The following NECTIN1 variants were observed in gnomAD, a reference collection of about 807,000 sequenced individuals.
NECTIN1 encodes nectin cell adhesion molecule 1.
Under a neutral mutation model 48.0 loss-of-function variants are expected in NECTIN1, and 23 were observed. That is an observed-to-expected ratio of 0.48 (90% CI 0.34 to 0.68). The LOEUF (loss-of-function observed/expected upper bound fraction) is 0.68. NECTIN1 is among the 30% of genes least tolerant of loss of function. NECTIN1 has a pLI of 0.01. For synonymous variants in NECTIN1, 270 were observed against 288.9 expected, an observed-to-expected ratio of 0.93 and a Z score of 0.66; for missense variants, 591 against 709.9, an observed-to-expected ratio of 0.83 and a Z score of 1.90.
At chr11:119,679,947 G>A (rs964267376) in intron 1 of NECTIN1, among the ~76,000 whole-genome samples, 1 of 152,152 alleles carries the variant, frequency 6.6e-6, no homozygotes, top group African/African-American at 2.4e-5. Context: ...GAAGGTGGTG[G>A]TTACACATCT....
At chr11:119,686,661 G>C (rs186742915) in intron 1 of NECTIN1, among the ~76,000 whole-genome samples, 1 of 152,072 alleles carries the variant, frequency 6.6e-6, no homozygotes, top group Non-Finnish European at 1.5e-5. Flanking sequence ...CAATCCGGTC[G>C]GTTGAGGTTG....
intron 5 of NECTIN1, among the ~76,000 whole-genome samples, chr11:119,666,521 G>A (rs937234470): frequency 2.6e-5 from 4 of 152,228 alleles, no homozygotes; most frequent in Admixed American, 2.6e-4. Context: ...GGCCAAAGAG[G>A]CCCTAAGGTG....
At chr11:119,682,419 GCCTTGACAA>G (rs1423693344) in intron 1 of NECTIN1, among the ~76,000 whole-genome samples, 1 of 152,164 alleles carries the variant, frequency 6.6e-6, no homozygotes, top group Non-Finnish European at 1.5e-5. Flanking sequence ...AGACACTGCA[GCCTTGACAA>G]CCTGAAAGCT....
rs779128946 is a variant in NECTIN1, at chr11:119,683,920, C to T, written c.80-5155G>A. The stretch of plus-strand genomic sequence containing the variant: ...TCCCAGAAGTGCTGAGCCAGCATGA[C>T]GGGCCTCAGGCCGGCCCCCTGAGAC... On this transcript the variant is annotated intron_variant, in intron 1 of 5. Coordinates refer to ENST00000264025, the MANE Select transcript of NECTIN1 (RefSeq NM_002855.5). This position sits in a 1 kb window ranked among gnomAD's most constrained non-coding sequence, Gnocchi z 4.0. 1.1e-4 allele frequency among the ~76,000 whole-genome samples: 16 copies of T among 151,836 alleles called. No homozygotes were observed. The highest frequency in any genetic ancestry group is 1.8e-4 in the Non-Finnish European group (12 of 67,990).
chr11:119,660,939 G>C (rs560916515), downstream of NECTIN1: 34 of 897,022 alleles, frequency 3.8e-5, no homozygotes, highest in African/African-American at 5.6e-4. Context: ...CCAGCTCCAC[G>C]CCTTCCCCGC....
At chr11:119,701,335 C>T (rs1388409554) in intron 1 of NECTIN1, among the ~76,000 whole-genome samples, 3 of 152,188 alleles carry the variant, frequency 2.0e-5, no homozygotes, top group Admixed American at 2.0e-4. Flanking sequence ...CTGAGCAGTG[C>T]TTGTCGCAGG....
intron 5 of NECTIN1, among the ~76,000 whole-genome samples, chr11:119,648,262 A>ATGGTGGTGGTGG (rs780099275): frequency 0.02 from 181 of 9,248 alleles, 58 homozygotes; most frequent in Non-Finnish European, 0.034. Context: ...AGAGGTGGTA[A>ATGGTGGTGGTGG]TAGTGGTGGT....
At chr11:119,698,470 C>T (rs1010288908) in intron 1 of NECTIN1, among the ~76,000 whole-genome samples, 3 of 152,232 alleles carry the variant, frequency 2.0e-5, no homozygotes, top group Admixed American at 1.3e-4. Flanking sequence ...CCCTCAATTC[C>T]TCTTATTATA....
chr11:119,709,950 T>G lies in NECTIN1; in HGVS notation c.79+18525A>C, dbSNP rs1465122585. 6.6e-6 allele frequency: 1 copy of G among 152,080 alleles called. No homozygotes were observed. The highest frequency in any genetic ancestry group is 2.4e-5 in the African/African-American group (1 of 41,334). 9.4% of individuals were successfully genotyped at this position (152,080 alleles called of 1,614,324 possible). ...GCAGAGATGGATAGGGAAGGGAGTG[T>G]GATGTGACGAGGCCGCAGAGAGCTC... On this transcript the variant is annotated intron_variant, in intron 1 of 5. Coordinates refer to ENST00000264025, the MANE Select transcript of NECTIN1 (RefSeq NM_002855.5). This position sits in a 1 kb window ranked among gnomAD's most constrained non-coding sequence, Gnocchi z 4.1.
chr11:119,693,673 G>A (rs779376605), intron 1 of NECTIN1, among the ~76,000 whole-genome samples: 18 of 152,172 alleles, frequency 1.2e-4, no homozygotes, highest in Non-Finnish European at 2.5e-4. Context: ...GTCCTGGGAG[G>A]CCCAGCTCAG....
In NECTIN1 at chr11:119,685,112, G is replaced by C. The variant is rs75773545; in HGVS notation, c.80-6347C>G. ...CCTGGCCTTGCACTGCTGTTAGTCT[G>C]GCATCTCTGTCTCCCCTGCTGCCTG... On this transcript the variant is annotated intron_variant, in intron 1 of 5. Transcript: ENST00000264025. Among the ~76,000 whole-genome samples, 705 of 152,332 alleles carry C rather than the reference G, an allele frequency of 4.6e-3. 5 individuals carry two copies. Among genetic ancestry groups the C allele is most frequent in the African/African-American group, 0.016 (672 of 41,566 alleles).
intron 1 of NECTIN1, among the ~76,000 whole-genome samples, chr11:119,692,238 G>A (rs781259193): frequency 2.6e-5 from 4 of 152,220 alleles, no homozygotes; most frequent in Non-Finnish European, 4.4e-5. Context: ...GGCCTGCTCC[G>A]CACACTGCCT....
At chr11:119,696,144 C>G (rs1865337608) in intron 1 of NECTIN1, among the ~76,000 whole-genome samples, 1 of 152,094 alleles carries the variant, frequency 6.6e-6, no homozygotes, top group Admixed American at 6.5e-5. Context: ...AGTTGGGGGT[C>G]TTGCCTAGGT....
intron 5 of NECTIN1, among the ~76,000 whole-genome samples, chr11:119,651,128 GC>G (rs1331866180): frequency 6.6e-6 from 1 of 152,156 alleles, no homozygotes; most frequent in Non-Finnish European, 1.5e-5. Context: ...ATGAGCCCAG[GC>G]TTTGGAAGGG....
chr11:119,677,928 G>A lies in NECTIN1; in HGVS notation c.431-71C>T, dbSNP rs572161239. On this transcript the variant is annotated intron_variant, in intron 2 of 5. Transcript: ENST00000264025. The surrounding 1 kb of genome is among the most constrained non-coding windows in gnomAD (Gnocchi z 5.4). ...TCCAAGATGCACCGGCCAAAAGGGC[G>A]TGGCATCCGTCAGGCCTTGTCTTCA... 216 of 1,493,580 alleles carry A rather than the reference G, an allele frequency of 1.4e-4. 1 individual carries two copies. Among genetic ancestry groups the A allele is most frequent in the South Asian group, 2.1e-4 (18 of 87,314 alleles). The allele number at this position is 1,493,580 out of a possible 1,614,324, so 92.5% of individuals were successfully genotyped here. A position where few individuals can be genotyped will look rare whatever the true frequency, so the allele number is the denominator to read the frequency against.
chr11:119,665,434 G>A lies in NECTIN1; in HGVS notation c.1004-137C>T, dbSNP rs1000183940. Reference sequence around the variant, plus strand: ...CCCCAGGTTTGAGCAGCTCCAGTTCGAGGCCCCGCAGCACTCCACCCATCC... The same window carrying A: ...CCCCAGGTTTGAGCAGCTCCAGTTCAAGGCCCCGCAGCACTCCACCCATCC... On this transcript the variant is annotated intron_variant, in intron 5 of 5. Coordinates refer to ENST00000264025, the MANE Select transcript of NECTIN1 (RefSeq NM_002855.5). This position sits in a 1 kb window ranked among gnomAD's most constrained non-coding sequence, Gnocchi z 5.1. 3 of 1,414,598 alleles carry A rather than the reference G, an allele frequency of 2.1e-6. No individual in the cohort carries two copies. Among genetic ancestry groups the A allele is most frequent in the Middle Eastern group, 2.6e-4 (1 of 3,906 alleles). The allele number at this position is 1,414,598 out of a possible 1,614,324, so 87.6% of individuals were successfully genotyped here. A position where few individuals can be genotyped will look rare whatever the true frequency, so the allele number is the denominator to read the frequency against.
Position 119,678,799 on chromosome 11 carries a change from C to G in NECTIN1, c.80-34G>C. 1 of 1,464,474 alleles carries G rather than the reference C, an allele frequency of 6.8e-7. No individual in the cohort carries two copies. The highest frequency in any genetic ancestry group is 1.2e-5 in the South Asian group (1 of 83,898). The allele number at this position is 1,464,474 out of a possible 1,614,324, so 90.7% of individuals were successfully genotyped here. On this transcript the variant is annotated intron_variant, in intron 1 of 5. Transcript: ENST00000264025. The surrounding 1 kb of genome is among the most constrained non-coding windows in gnomAD (Gnocchi z 4.4). ...GAGGATGGCAGCAAGTGGTCAGTGT[C>G]AGGCACAGCCTCCCCCCACCCACAC...
In NECTIN1 at chr11:119,678,903, T is replaced by C. The variant is rs1865011490; in HGVS notation, c.80-138A>G. On this transcript the variant is annotated intron_variant, in intron 1 of 5. Transcript: ENST00000264025. This position sits in a 1 kb window ranked among gnomAD's most constrained non-coding sequence, Gnocchi z 4.4. ...CGATTGTAAAAATATTAATTACTTG[T>C]TATAAAAACACTCTAGGCAACACTG... 5.8e-6 allele frequency: 4 copies of C among 691,558 alleles called. No homozygotes were observed. Among genetic ancestry groups the C allele is most frequent in the South Asian group, 4.9e-5 (3 of 61,718 alleles). The allele number at this position is 691,558 out of a possible 1,614,324, so 42.8% of individuals were successfully genotyped here.
chr11:119,724,594 GA>G (rs1310452126), intron 1 of NECTIN1, among the ~76,000 whole-genome samples: 1 of 152,158 alleles, frequency 6.6e-6, no homozygotes, highest in Non-Finnish European at 1.5e-5. Context: ...CTCAAGTCTG[GA>G]CCACTCACAG....
Sources: gnomAD v4.1 joint callset for allele counts (sites outside exome capture counted in the v4.1 genomes callset) on GRCh38, gnomAD v4.1.1 for gene constraint, Gnocchi (gnomAD v3.1) non-coding constraint, MANE v1.5 for transcripts, NCBI Gene and HGNC (gene_info 2026-07-23, HGNC 2026-07-21) for gene names.